Variants in SLC13A3 observed in about 807,000 individuals in gnomAD.
SLC13A3 encodes the protein solute carrier family 13 member 3.
In SLC13A3, 40 loss-of-function variants were observed where a neutral mutation model predicts 59.0. The ratio of observed to expected loss-of-function variants is 0.68; its 90% CI spans 0.53 to 0.88. SLC13A3 has a LOEUF of 0.88. SLC13A3 is among the 40% of genes least tolerant of loss of function. The pLI is 0.00. For synonymous variants in SLC13A3, 317 were observed against 330.3 expected (o/e 0.96, Z 0.44); for missense variants, 699 against 783.2 (o/e 0.89, Z 1.28).
chr20:46,647,079 T>C (rs1202640051), intron 1 of SLC13A3, among the ~76,000 whole-genome samples: 4 of 151,934 alleles, frequency 2.6e-5, no homozygotes, highest in African/African-American at 9.7e-5. Flanking sequence ...TTGTGCAAAT[T>C]AGAATAAAAG....
intron 10 of SLC13A3, among the ~76,000 whole-genome samples, chr20:46,570,167 C>A (rs2062017672): frequency 6.6e-6 from 1 of 152,330 alleles, no homozygotes; most frequent in Admixed American, 6.5e-5. Context: ...TCCTTGATTT[C>A]TTTAAGCGAT....
At chr20:46,592,712 G>C (rs1175022846) in intron 5 of SLC13A3, among the ~76,000 whole-genome samples, 183 bp from the exon 6 acceptor site, 1 of 152,122 alleles carries the variant, frequency 6.6e-6, no homozygotes, top group Non-Finnish European at 1.5e-5. Context: ...TTCTTTGGAG[G>C]CTGCTGGCTT....
intron 4 of SLC13A3, among the ~76,000 whole-genome samples, chr20:46,597,591 C>T (rs2062327065): frequency 6.6e-6 from 1 of 152,152 alleles, no homozygotes; most frequent in African/African-American, 2.4e-5. Context: ...TGCCCACCAC[C>T]ATGCCCAGCT....
intron 1 of SLC13A3, among the ~76,000 whole-genome samples, chr20:46,683,373 C>A (rs1016419423): frequency 2.6e-5 from 4 of 152,200 alleles, no homozygotes; most frequent in African/African-American, 9.6e-5. Context: ...GCATGTCTAA[C>A]ACGAGGCTCC....
chr20:46,612,234 C>T (rs1331138738), intron 2 of SLC13A3, among the ~76,000 whole-genome samples: 3 of 145,854 alleles, frequency 2.1e-5, no homozygotes, highest in African/African-American at 7.7e-5. Context: ...TGGGTTCAAG[C>T]GATCCGCCCA....
chr20:46,608,940 C>A, intron 3 of SLC13A3: 1 of 1,550,966 alleles, frequency 6.4e-7, no homozygotes. Context: ...CCGGAAGTTG[C>A]ACACATCATT....
intron 6 of SLC13A3, among the ~76,000 whole-genome samples, chr20:46,590,514 A>T (rs1163366919): frequency 6.6e-6 from 1 of 152,208 alleles, no homozygotes; most frequent in Non-Finnish European, 1.5e-5. Context: ...AAAAATATGA[A>T]CACACAGTTT....
intron 1 of SLC13A3, among the ~76,000 whole-genome samples, chr20:46,631,289 G>A (rs1332343132): frequency 6.6e-6 from 1 of 152,082 alleles, no homozygotes; most frequent in African/African-American, 2.4e-5. Flanking sequence ...GTTCCAATAG[G>A]GTCAATGTCC....
upstream of SLC13A3, among the ~76,000 whole-genome samples, chr20:46,655,936 T>G (rs967538608): frequency 7.0e-6 from 1 of 143,120 alleles, no homozygotes; most frequent in Non-Finnish European, 1.5e-5. Context: ...TATAATATAC[T>G]ACAGTATATA....
At chr20:46,674,588 TGCGCGCGC>T (rs549666867), upstream of SLC13A3, among the ~76,000 whole-genome samples, 340 of 136,824 alleles carry the variant, frequency 2.5e-3, 3 homozygotes, top group African/African-American at 9.7e-3. Flanking sequence ...AGGTGGGGAG[TGCGCGCGC>T]GCGCGCGCGT....
At chr20:46,628,849 T>C (rs1330612428) in intron 1 of SLC13A3, among the ~76,000 whole-genome samples, 1 of 152,190 alleles carries the variant, frequency 6.6e-6, no homozygotes, top group African/African-American at 2.4e-5. Context: ...CACAGAAAGT[T>C]TTATAGGACA....
At chr20:46,645,366 G>C (rs557479674) in intron 1 of SLC13A3, among the ~76,000 whole-genome samples, 3 of 152,278 alleles carry the variant, frequency 2.0e-5, no homozygotes, top group South Asian at 2.1e-4. Flanking sequence ...CGACACCTTT[G>C]GTGGGTCACT....
At position 46,641,371 on chromosome 20, in the gene SLC13A3, G is replaced by C. The variant is rs2062844849; in HGVS notation, c.111+9940C>G. ...CACTATAAGCATAAACCTGCTCTTAGGTCACTCACAGCCAAGGGGGAGAGG... is the reference window on the plus strand; with the variant it reads ...CACTATAAGCATAAACCTGCTCTTACGTCACTCACAGCCAAGGGGGAGAGG... On this transcript the variant is annotated intron_variant, in intron 1 of 12. Transcript: ENST00000279027. 5.3e-5 allele frequency among the ~76,000 whole-genome samples: 8 copies of C among 152,236 alleles called. No homozygotes were observed. In the South Asian group the frequency reaches 1.7e-3, roughly 32 times the overall value.
intron 11 of SLC13A3, 90 bp downstream of exon 11, chr20:46,566,139 T>G: frequency 9.5e-7 from 1 of 1,052,238 alleles, no homozygotes; most frequent in East Asian, 2.4e-5. Flanking sequence ...ATGGCAACTG[T>G]GGCCCCCAGT....
rs745929927 is a variant in SLC13A3, at chr20:46,560,195, G to C, written c.1636C>G (p.Arg546Gly). Residue 546 changes from arginine to glycine, a missense_variant, in exon 13 of 13, where the codon CGG (arginine) becomes GGG (glycine). Physicochemically the swap from Arg to Gly is moderately radical, Grantham distance 125. Transcript: ENST00000279027. The part of the protein sequence containing the change: ...SGHLLVKDMV[R>G]TGLLMNLMGV... ...ATCAGGTTCATCAGGAGGCCTGTCC[G>C]CACCTGAAATAGAGCCCAGACAGAG... 1 of 1,613,946 alleles carries C rather than the reference G, an allele frequency of 6.2e-7. No individual in the cohort carries two copies. The highest frequency in any genetic ancestry group is 1.1e-5 in the South Asian group (1 of 91,058).
chr20:46,649,465 GC>G (rs1413315325), intron 1 of SLC13A3, among the ~76,000 whole-genome samples: 1 of 152,168 alleles, frequency 6.6e-6, no homozygotes, highest in African/African-American at 2.4e-5. Flanking sequence ...AGAGAACAGA[GC>G]AGAGAGAAGC....
chr20:46,568,082 T>G (rs1234895919), intron 10 of SLC13A3, among the ~76,000 whole-genome samples: 1 of 152,016 alleles, frequency 6.6e-6, no homozygotes, highest in East Asian at 1.9e-4. Flanking sequence ...ACTTAAAAAT[T>G]TCATAATCGA....
chr20:46,662,649 C>G (rs2063038313), intron 1 of SLC13A3, among the ~76,000 whole-genome samples: 1 of 152,218 alleles, frequency 6.6e-6, no homozygotes, highest in Admixed American at 6.5e-5. Flanking sequence ...GAACCTGAAT[C>G]ATCTTGAAAT....
intron 9 of SLC13A3, among the ~76,000 whole-genome samples, chr20:46,579,075 T>G (rs2062108864): frequency 6.6e-6 from 1 of 152,164 alleles, no homozygotes. Context: ...CTGGCTTGAA[T>G]GCCTGGTTCT....
Sources: allele counts gnomAD v4.1 joint callset (sites outside exome capture counted in the v4.1 genomes callset), GRCh38; gene constraint gnomAD v4.1.1; transcripts MANE v1.5; gene names NCBI Gene and HGNC (gene_info 2026-07-23, HGNC 2026-07-21).